The following GMDS variants were observed in gnomAD, a reference collection of about 807,000 sequenced individuals.
The protein encoded by GMDS is GDP-mannose 4,6 dehydratase.
Under a neutral mutation model 49.9 loss-of-function variants are expected in GMDS, and 20 were observed. The ratio of observed to expected loss-of-function variants is 0.40; its 90% CI spans 0.28 to 0.58. The LOEUF (loss-of-function observed/expected upper bound fraction) is 0.58, where lower values mean the gene tolerates loss of function less well. Among genes scored for constraint, GMDS ranks in the 20% least tolerant of loss-of-function variants. The pLI is 0.42. For missense variants in GMDS, 362 were observed against 481.4 expected, an observed-to-expected ratio of 0.75 and a Z score of 2.32; for synonymous variants, 177 against 178.6, an observed-to-expected ratio of 0.99 and a Z score of 0.07.
At chr6:1,708,576 G>C (rs1455814346) in intron 9 of GMDS, among the ~76,000 whole-genome samples, 1 of 152,244 alleles carries the variant, frequency 6.6e-6, no homozygotes, top group Non-Finnish European at 1.5e-5. Context: ...TGCATCAAAT[G>C]GTTTAGATCT....
intron 1 of GMDS, among the ~76,000 whole-genome samples, chr6:2,239,754 C>T (rs1781526444): frequency 6.6e-6 from 1 of 151,470 alleles, no homozygotes; most frequent in Non-Finnish European, 1.5e-5. Context: ...GGCACGATCT[C>T]GGCTCACTGC....
intron 4 of GMDS, among the ~76,000 whole-genome samples, chr6:2,064,243 T>C (rs1357350286): frequency 6.6e-6 from 1 of 152,208 alleles, no homozygotes; most frequent in African/African-American, 2.4e-5. Flanking sequence ...CTTCAGAATT[T>C]TTAAAAATTA....
intron 7 of GMDS, among the ~76,000 whole-genome samples, chr6:1,744,248 T>C (rs528663268): frequency 6.6e-6 from 1 of 152,328 alleles, no homozygotes; most frequent in East Asian, 1.9e-4. Context: ...GATTTTGGTC[T>C]ATTTTATATG....
rs1272410382 is a variant in GMDS, at chr6:1,801,523, C to T, written c.772-58937G>A. Among the ~76,000 whole-genome samples, 7 of 152,228 alleles carry T rather than the reference C, an allele frequency of 4.6e-5. 1 individual carries two copies. Among genetic ancestry groups the T allele is most frequent in the Non-Finnish European group, 8.8e-5 (6 of 68,044 alleles). ...CAGCTGGAGTGGAGGCAACCCGCAA[C>T]ATTTTCCATGCAAAACCCACTCACA... is the stretch of plus-strand genomic sequence containing the variant. On this transcript the variant is annotated intron_variant, in intron 7 of 10. Transcript: ENST00000380815.
At chr6:2,226,387 T>C in intron 1 of GMDS, among the ~76,000 whole-genome samples, 1 of 152,236 alleles carries the variant, frequency 6.6e-6, no homozygotes, top group East Asian at 1.9e-4. Flanking sequence ...AGATTCTGCC[T>C]ATGATAACTG....
chr6:1,799,820 C>T (rs1769876945), intron 7 of GMDS, among the ~76,000 whole-genome samples: 1 of 152,188 alleles, frequency 6.6e-6, no homozygotes, highest in Non-Finnish European at 1.5e-5. Context: ...CCTAGATACA[C>T]TAATTTTGGG....
chr6:1,643,390 C>G (rs114696931), intron 9 of GMDS, among the ~76,000 whole-genome samples: 161 of 152,306 alleles, frequency 1.1e-3, no homozygotes, highest in African/African-American at 3.7e-3. Context: ...GCTGAGCCCC[C>G]GAGGCTCTGT....
intron 4 of GMDS, among the ~76,000 whole-genome samples, chr6:2,110,645 C>T (rs1196000418): frequency 1.3e-5 from 2 of 152,042 alleles, no homozygotes; most frequent in African/African-American, 2.4e-5. Context: ...TTGTCCCGCA[C>T]AACTCTGTGA....
At chr6:2,088,458 G>C (rs1392074418) in intron 4 of GMDS, among the ~76,000 whole-genome samples, 2 of 152,180 alleles carry the variant, frequency 1.3e-5, no homozygotes, top group African/African-American at 4.8e-5. Context: ...AGTGAATGCA[G>C]GTTCCTCCTA....
chr6:1,641,709 T>C (rs1763337254), intron 9 of GMDS, among the ~76,000 whole-genome samples: 1 of 136,242 alleles, frequency 7.3e-6, no homozygotes, highest in Non-Finnish European at 1.5e-5. Context: ...ATGATTTCTC[T>C]CTCTCTCTCT....
intron 7 of GMDS, among the ~76,000 whole-genome samples, chr6:1,900,818 A>G (rs1353818250): frequency 6.6e-6 from 1 of 152,214 alleles, no homozygotes; most frequent in Non-Finnish European, 1.5e-5. Flanking sequence ...TTCTAAGTGT[A>G]CCTTCTAGTC....
intron 7 of GMDS, among the ~76,000 whole-genome samples, chr6:1,891,942 T>C (rs1003232072): frequency 3.9e-5 from 6 of 152,230 alleles, no homozygotes; most frequent in African/African-American, 1.4e-4. Flanking sequence ...TCCCATCGAC[T>C]GTAAACATTC....
intron 4 of GMDS, among the ~76,000 whole-genome samples, chr6:2,033,879 C>T (rs939857611): frequency 5.3e-5 from 8 of 152,082 alleles, no homozygotes; most frequent in Non-Finnish European, 1.2e-4. Context: ...TCTAATATGG[C>T]CTATTTGTAA....
intron 9 of GMDS, among the ~76,000 whole-genome samples, chr6:1,705,183 A>T (rs564188934): frequency 7.9e-5 from 12 of 152,366 alleles, no homozygotes; most frequent in African/African-American, 2.9e-4. Context: ...CCCTATGCTT[A>T]AAGAGCCAAA....
chr6:1,896,755 G>A (rs1411250019), intron 7 of GMDS, among the ~76,000 whole-genome samples: 1 of 152,172 alleles, frequency 6.6e-6, no homozygotes, highest in East Asian at 1.9e-4. Context: ...TGTAGACTCT[G>A]TCCCATCAAA....
chr6:2,039,314 C>T (rs2127425602), intron 4 of GMDS, among the ~76,000 whole-genome samples: 1 of 152,230 alleles, frequency 6.6e-6, no homozygotes, highest in East Asian at 1.9e-4. Context: ...AGGCCTAGGA[C>T]ATTAATCCAC....
chr6:1,972,809 CA>C (rs1419754322), intron 4 of GMDS, among the ~76,000 whole-genome samples: 3 of 152,136 alleles, frequency 2.0e-5, no homozygotes, highest in Non-Finnish European at 4.4e-5. Context: ...CAATGTTTAC[CA>C]GGCCCACTGC....
intron 9 of GMDS, 115 bp from the exon 10 acceptor site, chr6:1,624,655 GT>G: frequency 1.4e-6 from 1 of 711,468 alleles, no homozygotes; most frequent in East Asian, 2.7e-5. Flanking sequence ...AAGGCTCCGG[GT>G]TTCCCTGCTT....
At chr6:2,098,195 A>G (rs1282419101) in intron 4 of GMDS, among the ~76,000 whole-genome samples, 2 of 152,070 alleles carry the variant, frequency 1.3e-5, no homozygotes, top group Non-Finnish European at 2.9e-5. Context: ...TGTAGCTGGG[A>G]TTACAGGTGC....
Sources: allele counts gnomAD v4.1 joint callset (sites outside exome capture counted in the v4.1 genomes callset), GRCh38; gene constraint gnomAD v4.1.1; transcripts MANE v1.5; gene names NCBI Gene and HGNC (gene_info 2026-07-23, HGNC 2026-07-21).